The following TNFAIP8 variants were observed in gnomAD, a reference collection of about 807,000 sequenced individuals.
The protein encoded by TNFAIP8 is tumor necrosis factor alpha-induced protein 8.
Under a neutral mutation model 13.3 loss-of-function variants are expected in TNFAIP8, and 7 were observed. That is an observed-to-expected ratio of 0.52 (90% confidence interval 0.30 to 0.99). The LOEUF is 0.99. Among genes scored for constraint, TNFAIP8 ranks in the 50% least tolerant of loss-of-function variants. TNFAIP8 has a pLI of 0.07. For missense variants in TNFAIP8, 258 were observed against 236.9 expected (o/e 1.09, Z -0.58); for synonymous variants, 94 against 87.6 (o/e 1.07, Z -0.41).
intron 1 of TNFAIP8, among the ~76,000 whole-genome samples, chr5:119,330,530 T>G (rs1295438458): frequency 6.6e-6 from 1 of 152,014 alleles, no homozygotes; most frequent in African/African-American, 2.4e-5. Context: ...GGGTTAGGCC[T>G]CATGGCCTCT....
In TNFAIP8 at chr5:119,393,503, T is replaced by G; in HGVS notation, c.*122T>G. The G allele has an allele frequency of 1.0e-6, 1 of 972,726 alleles. No homozygotes were observed. The allele number at this position is 972,726 out of a possible 1,614,324, so 60.3% of individuals were successfully genotyped here. ...ATATTTCAGAAAGACTTTACCCAAT[T>G]CAGTTGTCAGACATAATGATTTATT... On this transcript the variant is annotated 3_prime_UTR_variant, in exon 2 of 2. Coordinates refer to ENST00000504771, the MANE Select transcript of TNFAIP8 (RefSeq NM_014350.4).
In TNFAIP8 at chr5:119,269,526, G is replaced by A. The variant is rs139974036; in HGVS notation, c.1+619G>A. Among the ~76,000 whole-genome samples, 217 of 152,242 alleles carry A rather than the reference G, an allele frequency of 1.4e-3. 1 individual carries two copies. The highest frequency in any genetic ancestry group is 5.1e-3 in the African/African-American group (210 of 41,534). ...CCTGCTGCAAAGACACCTGATGAGC[G>A]CCCAGGCTCCACGGACTCCTCGCGA... On this transcript the variant is annotated intron_variant, in intron 1 of 1. Coordinates refer to the TNFAIP8 transcript ENST00000274456.
chr5:119,338,479 A>C (rs1384655557), intron 1 of TNFAIP8, among the ~76,000 whole-genome samples: 1 of 152,176 alleles, frequency 6.6e-6, no homozygotes, highest in East Asian at 1.9e-4. Flanking sequence ...CTCTGCTATC[A>C]GTCACCAGAC....
intron 1 of TNFAIP8, among the ~76,000 whole-genome samples, chr5:119,389,251 A>G (rs75670589): frequency 0.055 from 8,249 of 151,148 alleles, 219 homozygotes; most frequent in Middle Eastern, 0.092. Context: ...TCAGTTTTGC[A>G]TATGGTAAAT....
intron 1 of TNFAIP8, among the ~76,000 whole-genome samples, chr5:119,322,358 A>T (rs1332406931): frequency 6.6e-6 from 1 of 152,184 alleles, no homozygotes; most frequent in East Asian, 1.9e-4. Context: ...TGGTCCCAGG[A>T]CCTTGGCCCC....
At chr5:119,391,207 G>A (rs1165087974) in intron 1 of TNFAIP8, among the ~76,000 whole-genome samples, 1 of 152,066 alleles carries the variant, frequency 6.6e-6, no homozygotes, top group African/African-American at 2.4e-5. Flanking sequence ...TTCCCAGTCT[G>A]GATTTTGAAG....
At chr5:119,361,657 G>A (rs1751641937) in intron 1 of TNFAIP8, among the ~76,000 whole-genome samples, 1 of 152,232 alleles carries the variant, frequency 6.6e-6, no homozygotes, top group African/African-American at 2.4e-5. Flanking sequence ...TGAAGTCAGG[G>A]TTGACTGTCA....
intron 1 of TNFAIP8, among the ~76,000 whole-genome samples, chr5:119,292,829 GTGAAA>G (rs1749041052): frequency 6.6e-6 from 1 of 151,660 alleles, no homozygotes; most frequent in Non-Finnish European, 1.5e-5. Flanking sequence ...TTCTGTTCAT[GTGAAA>G]TGCCTGGAAA....
At chr5:119,384,674 T>C (rs1353674064) in intron 1 of TNFAIP8, among the ~76,000 whole-genome samples, 1 of 152,188 alleles carries the variant, frequency 6.6e-6, no homozygotes, top group Admixed American at 6.5e-5. Flanking sequence ...CAAAATTCAT[T>C]TCCCATAACC....
Position 119,396,994 on chromosome 5 carries a change from CAAAAAAAAAAAAA to C in TNFAIP8, c.*3624_*3636del, listed in dbSNP as rs34587766. 1.5e-5 allele frequency: 1 copy of C among 65,882 alleles called. No individual in the cohort carries two copies. Among genetic ancestry groups the C allele is most frequent in the African/African-American group, 5.9e-5 (1 of 16,870 alleles). 4.1% of individuals were successfully genotyped at this position (65,882 alleles called of 1,614,324 possible). ...GGGCAACAAGAACGAAACCCCGTCT[CAAAAAAAAAAAAA>C]AAAAAAAAAAGCATGAGTTAAGAAC... On this transcript the variant is annotated 3_prime_UTR_variant, in exon 2 of 2. Transcript: ENST00000504771.
At chr5:119,297,188 T>G (rs1203456045) in intron 1 of TNFAIP8, among the ~76,000 whole-genome samples, 1 of 152,210 alleles carries the variant, frequency 6.6e-6, no homozygotes, top group Non-Finnish European at 1.5e-5. Flanking sequence ...GTTCTTTTAA[T>G]TGTGATGTTA....
intron 1 of TNFAIP8, among the ~76,000 whole-genome samples, chr5:119,310,396 C>G (rs1749693079): frequency 6.6e-6 from 1 of 152,152 alleles, no homozygotes; most frequent in Non-Finnish European, 1.5e-5. Flanking sequence ...CTGGAGAAGG[C>G]CAAAGGCTGT....
At chr5:119,323,576 A>C (rs907927138) in intron 1 of TNFAIP8, among the ~76,000 whole-genome samples, 5 of 152,166 alleles carry the variant, frequency 3.3e-5, no homozygotes, top group Non-Finnish European at 7.4e-5. Flanking sequence ...CAGAGTCAAA[A>C]GTTGCTGTTT....
chr5:119,370,594 G>GAGC (rs1387579305), intron 1 of TNFAIP8, among the ~76,000 whole-genome samples: 7 of 152,224 alleles, frequency 4.6e-5, no homozygotes, highest in Non-Finnish European at 8.8e-5. Flanking sequence ...TTGCCTCTAA[G>GAGC]AGCAGAAGGG....
chr5:119,394,366 A>G lies in TNFAIP8; in HGVS notation c.*985A>G, dbSNP rs1404975340. The G allele has an allele frequency of 6.6e-6, 1 of 152,190 alleles. No homozygotes were observed. Among genetic ancestry groups the G allele is most frequent in the Non-Finnish European group, 1.5e-5 (1 of 68,034 alleles). 9.4% of individuals were successfully genotyped at this position (152,190 alleles called of 1,614,324 possible). ...AGTGTTTAAGAAGGCTTGATAAAGA[A>G]TGTCACTTTTTTATTTAACTGATAA... On this transcript the variant is annotated 3_prime_UTR_variant, in exon 2 of 2. Transcript: ENST00000504771.
chr5:119,355,015 A>G (rs1373540056), upstream of TNFAIP8: 2 of 321,334 alleles, frequency 6.2e-6, no homozygotes, highest in Non-Finnish European at 5.8e-6. Flanking sequence ...TCCGTAAGAC[A>G]GGCCTATCAG....
chr5:119,318,273 C>T (rs560656388), intron 1 of TNFAIP8, among the ~76,000 whole-genome samples: 1 of 151,550 alleles, frequency 6.6e-6, no homozygotes, highest in South Asian at 2.1e-4. Flanking sequence ...TCTATATCAG[C>T]CTTTTGTTCT....
intron 1 of TNFAIP8, among the ~76,000 whole-genome samples, chr5:119,329,557 C>T (rs780628727): frequency 1.3e-5 from 2 of 152,152 alleles, no homozygotes; most frequent in Non-Finnish European, 2.9e-5. Context: ...TGCTTTCTGT[C>T]TGGTGAATCA....
rs963120360 is a variant in TNFAIP8 at position 119,294,914 on chromosome 5, T to G, written c.1+26007T>G. On this transcript the variant is annotated intron_variant, in intron 1 of 1. Transcript: ENST00000274456. ...ATTGTTTTTCTCTTGTAAATTTGTT[T>G]GAGTTCATTGTAGATTCTGGATATT... is the stretch of plus-strand genomic sequence containing the variant. Among the ~76,000 whole-genome samples the G allele has an allele frequency of 3.3e-5, 5 of 151,934 alleles. No individual in the cohort carries two copies. In the East Asian group the frequency reaches 9.8e-4, roughly 30 times the overall value.
Sources: allele counts gnomAD v4.1 joint callset (sites outside exome capture counted in the v4.1 genomes callset), GRCh38; gene constraint gnomAD v4.1.1; transcripts MANE v1.5; gene names NCBI Gene and HGNC (gene_info 2026-07-23, HGNC 2026-07-21).